The following NRG3 variants were observed in gnomAD, a reference collection of about 807,000 sequenced individuals.
NRG3 encodes neuregulin 3, also known as pro-neuregulin-3, membrane-bound isoform.
NRG3 carries 31 observed loss-of-function variants against 66.9 expected under a neutral mutation model. The ratio of observed to expected loss-of-function variants is 0.46; its 90% CI spans 0.35 to 0.63. The LOEUF (loss-of-function observed/expected upper bound fraction) is 0.63. NRG3 is among the 20% of genes least tolerant of loss of function. The probability of loss-of-function intolerance (pLI) is 0.00; values close to 1 mark genes in which losing one functional copy is unlikely to be tolerated. For synonymous variants in NRG3, 393 were observed against 359.4 expected (o/e 1.09, Z -1.06); for missense variants, 910 against 878.9 (o/e 1.04, Z -0.45).
chr10:82,202,752 T>G (rs983901806), intron 1 of NRG3, among the ~76,000 whole-genome samples: 1 of 152,150 alleles, frequency 6.6e-6, no homozygotes, highest in Non-Finnish European at 1.5e-5. Context: ...TTTGTGTGTG[T>G]TGTTGTTTGT....
At chr10:82,138,269 G>C (rs1013724955) in intron 1 of NRG3, among the ~76,000 whole-genome samples, 2 of 152,022 alleles carry the variant, frequency 1.3e-5, no homozygotes, top group Non-Finnish European at 2.9e-5. Context: ...TTTCCTGGGG[G>C]AAAAATATGT....
At chr10:82,209,690 G>A (rs1263820030) in intron 1 of NRG3, among the ~76,000 whole-genome samples, 1 of 152,114 alleles carries the variant, frequency 6.6e-6, no homozygotes, top group Non-Finnish European at 1.5e-5. Context: ...GGTTTTTAGG[G>A]CAATTCAAGT....
chr10:82,786,572 T>C (rs1486194990), intron 3 of NRG3, among the ~76,000 whole-genome samples: 1 of 152,148 alleles, frequency 6.6e-6, no homozygotes, highest in Non-Finnish European at 1.5e-5. Flanking sequence ...AATCACGCCT[T>C]GAGTATGACC....
intron 1 of NRG3, among the ~76,000 whole-genome samples, chr10:82,207,422 A>T (rs2075173783): frequency 6.6e-6 from 1 of 152,164 alleles, no homozygotes; most frequent in Non-Finnish European, 1.5e-5. Flanking sequence ...CTTATGCATA[A>T]CGTGGGATGA....
intron 3 of NRG3, among the ~76,000 whole-genome samples, chr10:82,856,171 G>C (rs1205478244): frequency 6.6e-6 from 1 of 152,170 alleles, no homozygotes; most frequent in East Asian, 1.9e-4. Context: ...AAGACATATA[G>C]ATGTCACATG....
intron 1 of NRG3, among the ~76,000 whole-genome samples, chr10:82,269,923 A>G (rs953660328): frequency 1.3e-5 from 2 of 152,128 alleles, no homozygotes; most frequent in Admixed American, 6.5e-5. Flanking sequence ...TAACTCAGCC[A>G]TGTGCTTCAT....
At chr10:82,521,917 TC>T (rs775627021) in intron 2 of NRG3, among the ~76,000 whole-genome samples, 1 of 152,154 alleles carries the variant, frequency 6.6e-6, no homozygotes, top group East Asian at 1.9e-4. Flanking sequence ...AAAATGCAAC[TC>T]CTCATCTGTT....
At chr10:82,440,320 C>A (rs2090368194) in intron 2 of NRG3, among the ~76,000 whole-genome samples, 2 of 147,420 alleles carry the variant, frequency 1.4e-5, no homozygotes, top group South Asian at 2.1e-4. Context: ...TTTTACTTCT[C>A]TCATTTAAAA....
Position 82,469,857 on chromosome 10 carries a change from T to G in NRG3, c.953+110989T>G, listed in dbSNP as rs568942737. Among the ~76,000 whole-genome samples the G allele has an allele frequency of 3.3e-5, 5 of 152,356 alleles. No individual in the cohort carries two copies. In the South Asian group the frequency reaches 1.0e-3, roughly 32 times the overall value. On this transcript the variant is annotated intron_variant, in intron 2 of 8. Transcript: ENST00000372141. ...ATCATTATTATTTCCTTCTAATTAC[T>G]TCCTTAGTTAAGGTCAAAATAGAGC...
intron 1 of NRG3, among the ~76,000 whole-genome samples, chr10:82,009,112 C>T (rs906996314): frequency 3.9e-5 from 6 of 152,052 alleles, no homozygotes; most frequent in East Asian, 1.9e-4. Flanking sequence ...ATTTAAAAGC[C>T]GTATTACTAT....
intron 2 of NRG3, among the ~76,000 whole-genome samples, chr10:82,547,172 C>T (rs1038101035): frequency 2.0e-5 from 3 of 151,810 alleles, no homozygotes; most frequent in African/African-American, 4.8e-5. Context: ...AAATGTAAAA[C>T]GATATACTAT....
chr10:82,431,382 A>G (rs1216451883), intron 2 of NRG3, among the ~76,000 whole-genome samples: 1 of 152,166 alleles, frequency 6.6e-6, no homozygotes. Flanking sequence ...AGTCTATGGA[A>G]CTAAGGTGAG....
At chr10:82,830,077 A>G (rs1476789822) in intron 3 of NRG3, among the ~76,000 whole-genome samples, 3 of 152,208 alleles carry the variant, frequency 2.0e-5, no homozygotes, top group Non-Finnish European at 4.4e-5. Flanking sequence ...TAATGTTAAC[A>G]GTATTTTCTC....
chr10:82,076,472 G>A (rs1207102770), intron 1 of NRG3, among the ~76,000 whole-genome samples: 2 of 152,176 alleles, frequency 1.3e-5, no homozygotes. Flanking sequence ...TAAACCTGTT[G>A]ATATAGTTTG....
chr10:82,730,810 G>T (rs1198850597), intron 2 of NRG3, among the ~76,000 whole-genome samples: 2 of 152,116 alleles, frequency 1.3e-5, no homozygotes, highest in African/African-American at 2.4e-5. Context: ...AGTGGCTGGG[G>T]AAAGGAATGC....
chr10:82,941,712 C>T (rs1333410410), intron 4 of NRG3, among the ~76,000 whole-genome samples: 2 of 152,132 alleles, frequency 1.3e-5, no homozygotes, highest in Non-Finnish European at 2.9e-5. Context: ...GGGAGAAATG[C>T]TGGAGTGAAG....
At chr10:82,756,873 G>C (rs2059100354) in intron 3 of NRG3, among the ~76,000 whole-genome samples, 1 of 148,788 alleles carries the variant, frequency 6.7e-6, no homozygotes, top group Non-Finnish European at 1.5e-5. Context: ...TGACTCTTCT[G>C]AACAAAGGTC....
intron 2 of NRG3, among the ~76,000 whole-genome samples, chr10:82,410,159 A>G (rs1415466928): frequency 6.6e-6 from 1 of 152,126 alleles, no homozygotes; most frequent in African/African-American, 2.4e-5. Context: ...TTTGGTAAAG[A>G]TGATGACTGC....
At chr10:82,056,605 A>C (rs11192336) in intron 1 of NRG3, among the ~76,000 whole-genome samples, 3,510 of 152,308 alleles carry the variant, frequency 0.023, 92 homozygotes, top group East Asian at 0.1. Flanking sequence ...CAGGAACTAC[A>C]GTCTTACAGC....
Sources: allele counts gnomAD v4.1 joint callset (sites outside exome capture counted in the v4.1 genomes callset), GRCh38; gene constraint gnomAD v4.1.1; transcripts MANE v1.5; gene names NCBI Gene and HGNC (gene_info 2026-07-23, HGNC 2026-07-21).